The following SGCZ variants were observed in gnomAD, a reference collection of about 807,000 sequenced individuals.
SGCZ encodes the protein zeta-sarcoglycan.
Under a neutral mutation model 41.3 loss-of-function variants are expected in SGCZ, and 40 were observed. That is an observed-to-expected ratio of 0.97 (90% CI 0.75 to 1.26). The LOEUF is 1.26. SGCZ is among the 50% of genes most tolerant of loss of function. The probability of loss-of-function intolerance (pLI) is 0.00; values close to 1 mark genes in which losing one functional copy is unlikely to be tolerated. For missense variants in SGCZ, 552 were observed against 369.8 expected (o/e 1.49, Z -4.04); for synonymous variants, 206 against 137.5 (o/e 1.50, Z -3.49).
chr8:14,239,422 C>G (rs1054308489), intron 3 of SGCZ, among the ~76,000 whole-genome samples: 2 of 152,020 alleles, frequency 1.3e-5, no homozygotes, highest in African/African-American at 4.8e-5. Context: ...TGTGAAAAAA[C>G]TATAGGTCAA....
At chr8:14,297,653 T>C (rs574051295) in intron 3 of SGCZ, among the ~76,000 whole-genome samples, 2 of 151,976 alleles carry the variant, frequency 1.3e-5, no homozygotes, top group East Asian at 1.9e-4. Flanking sequence ...TTAGGTGAAA[T>C]GGAAAAATTC....
rs961646427 is a variant in SGCZ, at chr8:14,306,323, G to T, written c.336+17780C>A. 2.8e-4 allele frequency among the ~76,000 whole-genome samples: 42 copies of T among 152,156 alleles called. 1 individual carries two copies. The highest frequency in any genetic ancestry group is 7.4e-5 in the Non-Finnish European group (5 of 68,022). On this transcript the variant is annotated intron_variant, in intron 3 of 7. Transcript: ENST00000382080. The stretch of plus-strand genomic sequence containing the variant: ...TTATATATTTCCTGCTAGAAGCTAT[G>T]TAGCTGTCCATAATACTCATTAATT...
At chr8:15,184,034 A>T (rs1190236643) in intron 1 of SGCZ, among the ~76,000 whole-genome samples, 2 of 152,186 alleles carry the variant, frequency 1.3e-5, no homozygotes, top group African/African-American at 4.8e-5. Context: ...GCAGTTAACT[A>T]CTTTTATAGT....
At chr8:15,138,910 T>A (rs1449104570) in intron 1 of SGCZ, among the ~76,000 whole-genome samples, 1 of 152,180 alleles carries the variant, frequency 6.6e-6, no homozygotes, top group African/African-American at 2.4e-5. Flanking sequence ...AAGCAAAATG[T>A]AAATCATATG....
chr8:14,418,605 T>G (rs1006520655), intron 2 of SGCZ, among the ~76,000 whole-genome samples: 4 of 151,858 alleles, frequency 2.6e-5, no homozygotes, highest in South Asian at 4.1e-4. Flanking sequence ...GTTTTCAAAG[T>G]CTGCTAACTA....
intron 3 of SGCZ, among the ~76,000 whole-genome samples, chr8:14,267,717 G>T (rs569443289): frequency 6.6e-6 from 1 of 152,124 alleles, no homozygotes; most frequent in African/African-American, 2.4e-5. Flanking sequence ...TGGGATCTTG[G>T]TCCACTCATC....
At chr8:14,201,859 AAAC>A (rs79581345) in intron 4 of SGCZ, among the ~76,000 whole-genome samples, 28,312 of 152,134 alleles carry the variant, frequency 0.19, 3,497 homozygotes, top group Non-Finnish European at 0.28. Flanking sequence ...GATCTTTAAA[AAAC>A]AACAACAATA....
At chr8:14,120,289 A>T (rs1196260750) in intron 5 of SGCZ, among the ~76,000 whole-genome samples, 1 of 152,152 alleles carries the variant, frequency 6.6e-6, no homozygotes, top group East Asian at 1.9e-4. Flanking sequence ...AAGATAGAGA[A>T]AATTCATTCA....
At chr8:14,120,771 A>G (rs982599927) in intron 5 of SGCZ, among the ~76,000 whole-genome samples, 4 of 152,260 alleles carry the variant, frequency 2.6e-5, no homozygotes, top group Non-Finnish European at 5.9e-5. Flanking sequence ...TTTAATCAAA[A>G]GGCATTAAAG....
chr8:14,479,331 C>A (rs977029291), intron 2 of SGCZ, among the ~76,000 whole-genome samples: 5 of 152,246 alleles, frequency 3.3e-5, no homozygotes, highest in Middle Eastern at 6.8e-3. Context: ...AAAATAGAGG[C>A]CCGGAGACTC....
chr8:14,974,149 T>C (rs1169103412), intron 1 of SGCZ, among the ~76,000 whole-genome samples: 3 of 152,220 alleles, frequency 2.0e-5, no homozygotes, highest in East Asian at 1.9e-4. Context: ...GTTGGAGTCA[T>C]GATTTGCTTT....
At chr8:14,798,814 A>G (rs1801220624) in intron 1 of SGCZ, among the ~76,000 whole-genome samples, 2 of 152,076 alleles carry the variant, frequency 1.3e-5, no homozygotes, top group African/African-American at 2.4e-5. Context: ...AACTAAAACT[A>G]TGTCCATTTT....
At chr8:14,255,358 T>A (rs1406396591) in intron 3 of SGCZ, among the ~76,000 whole-genome samples, 1 of 152,158 alleles carries the variant, frequency 6.6e-6, no homozygotes, top group African/African-American at 2.4e-5. Context: ...TTCGAAGATG[T>A]TTTCATGATT....
At chr8:15,097,859 T>TATAC (rs1485978682) in intron 1 of SGCZ, among the ~76,000 whole-genome samples, 58 of 4,302 alleles carry the variant, frequency 0.013, no homozygotes, top group Non-Finnish European at 0.03. Flanking sequence ...TATATATACG[T>TATAC]GTGTGTGTAT....
chr8:15,207,197 C>T lies in SGCZ; in HGVS notation c.39+30388G>A, dbSNP rs183958997. Among the ~76,000 whole-genome samples, 6 of 152,182 alleles carry T rather than the reference C, an allele frequency of 3.9e-5. No individual in the cohort carries two copies. The East Asian group carries it at 1.2e-3, about 30-fold the overall frequency. On this transcript the variant is annotated intron_variant, in intron 1 of 7. Transcript: ENST00000382080. ...AAAAAGCTGTTTTTTTCCAGACACA[C>T]CAAGTTTGGGTTGACAGCAGGCTAA... is the stretch of plus-strand genomic sequence containing the variant.
chr8:14,105,592 A>G (rs1399937609), intron 6 of SGCZ, among the ~76,000 whole-genome samples: 2 of 152,070 alleles, frequency 1.3e-5, no homozygotes, highest in African/African-American at 4.8e-5. Context: ...GAATACCTAC[A>G]TAATTACTCT....
chr8:14,420,153 A>C (rs887173927), intron 2 of SGCZ, among the ~76,000 whole-genome samples: 2 of 151,998 alleles, frequency 1.3e-5, no homozygotes, highest in Non-Finnish European at 2.9e-5. Context: ...TTGTCCTATA[A>C]TAATTCTATC....
chr8:15,061,778 A>C (rs1804947117), intron 1 of SGCZ, among the ~76,000 whole-genome samples: 2 of 152,048 alleles, frequency 1.3e-5, no homozygotes, highest in South Asian at 4.1e-4. Context: ...GAGACAGATA[A>C]ATTTCTATCA....
intron 1 of SGCZ, among the ~76,000 whole-genome samples, chr8:14,875,247 G>C (rs186332633): frequency 1.3e-5 from 2 of 152,268 alleles, no homozygotes; most frequent in East Asian, 3.9e-4. Context: ...GACACAGAAA[G>C]GTCAAGAGGG....
Sources: gnomAD v4.1 joint callset for allele counts (sites outside exome capture counted in the v4.1 genomes callset) on GRCh38, gnomAD v4.1.1 for gene constraint, MANE v1.5 for transcripts, NCBI Gene and HGNC (gene_info 2026-07-23, HGNC 2026-07-21) for gene names.